Variants in LYPD6 observed in about 807,000 individuals in gnomAD.
The protein encoded by LYPD6 is ly6/PLAUR domain-containing protein 6.
Under a neutral mutation model 22.7 loss-of-function variants are expected in LYPD6, and 15 were observed. That is an observed-to-expected ratio of 0.66 (90% CI 0.44 to 1.02). The LOEUF (loss-of-function observed/expected upper bound fraction) is 1.02. Ranked by LOEUF, LYPD6 falls within the 50% of genes least tolerant of loss-of-function variation. LYPD6 has a pLI of 0.00. For missense variants in LYPD6, 189 were observed against 208.4 expected, an observed-to-expected ratio of 0.91 and a Z score of 0.57; for synonymous variants, 72 against 77.5, an observed-to-expected ratio of 0.93 and a Z score of 0.37.
At chr2:149,360,431 C>T (rs565881178) in intron 1 of LYPD6, among the ~76,000 whole-genome samples, 1 of 152,324 alleles carries the variant, frequency 6.6e-6, no homozygotes, top group East Asian at 1.9e-4. Flanking sequence ...GCCTCTGACA[C>T]CTCAGTGGCA....
intron 1 of LYPD6, among the ~76,000 whole-genome samples, chr2:149,422,795 A>G (rs1683108935): frequency 6.6e-6 from 1 of 151,708 alleles, no homozygotes; most frequent in South Asian, 2.1e-4. Flanking sequence ...GCATCATTCT[A>G]CTCTTCCTCT....
chr2:149,477,578 G>T (rs1390846807), downstream of LYPD6, among the ~76,000 whole-genome samples: 3 of 129,436 alleles, frequency 2.3e-5, no homozygotes, highest in Non-Finnish European at 3.1e-5. Flanking sequence ...AGCCGAGATT[G>T]TGCCACTGCA....
At position 149,381,644 on chromosome 2, in the gene LYPD6, G is replaced by A. The variant is rs555517603; in HGVS notation, c.-72+50922G>A. Reference sequence around the variant, plus strand: ...TTGTCATCAAAGAGAGTGAGAGCACGAGTGGACTAATGTCTAATACTGCAG... The same window carrying A: ...TTGTCATCAAAGAGAGTGAGAGCACAAGTGGACTAATGTCTAATACTGCAG... On this transcript the variant is annotated intron_variant, in intron 1 of 4. Coordinates refer to ENST00000334166, the MANE Select transcript of LYPD6 (RefSeq NM_194317.5). Among the ~76,000 whole-genome samples the A allele has an allele frequency of 9.2e-5, 14 of 152,310 alleles. No homozygotes were observed. The South Asian group carries it at 2.1e-3, about 23-fold the overall frequency.
chr2:149,350,631 C>T (rs1018888803), intron 1 of LYPD6, among the ~76,000 whole-genome samples: 1 of 152,258 alleles, frequency 6.6e-6, no homozygotes, highest in Non-Finnish European at 1.5e-5. Flanking sequence ...TATGTACTTT[C>T]CAATACGTGG....
At chr2:149,458,653 G>GC (rs1392707631) in intron 3 of LYPD6, among the ~76,000 whole-genome samples, 1 of 151,994 alleles carries the variant, frequency 6.6e-6, no homozygotes, top group African/African-American at 2.4e-5. Context: ...GGATTTTAAA[G>GC]CAGCCATAAT....
chr2:149,466,813 A>C (rs1681210583), intron 3 of LYPD6, among the ~76,000 whole-genome samples: 1 of 151,408 alleles, frequency 6.6e-6, no homozygotes, highest in South Asian at 2.1e-4. Flanking sequence ...CATTTGGAGC[A>C]GTAAAACCTC....
intron 3 of LYPD6, among the ~76,000 whole-genome samples, chr2:149,454,867 T>G (rs867513235): frequency 6.6e-6 from 1 of 152,176 alleles, no homozygotes; most frequent in Non-Finnish European, 1.5e-5. Flanking sequence ...TCTCTGAACC[T>G]CATTTCTCCT....
intron 1 of LYPD6, among the ~76,000 whole-genome samples, chr2:149,427,910 A>G (rs1007349654): frequency 4.6e-5 from 7 of 152,260 alleles, no homozygotes; most frequent in African/African-American, 1.4e-4. Flanking sequence ...TTTTGATGCA[A>G]TTGAACTTTA....
intron 1 of LYPD6, among the ~76,000 whole-genome samples, chr2:149,415,120 A>G (rs1040032608): frequency 2.2e-4 from 34 of 152,194 alleles, no homozygotes; most frequent in African/African-American, 8.0e-4. Context: ...TCACTGTCCA[A>G]TGGGAAAGAG....
intron 1 of LYPD6, among the ~76,000 whole-genome samples, chr2:149,385,479 A>G (rs796194318): frequency 3.9e-5 from 6 of 152,330 alleles, no homozygotes; most frequent in African/African-American, 1.4e-4. Flanking sequence ...AATGTCAGTC[A>G]TGTCTGTATA....
chr2:149,357,030 C>G (rs1681462100), intron 1 of LYPD6, among the ~76,000 whole-genome samples: 1 of 152,128 alleles, frequency 6.6e-6, no homozygotes, highest in Admixed American at 6.5e-5. Flanking sequence ...TAAATAGGAG[C>G]CATTCTGTGT....
At chr2:149,348,084 AAGAG>A in intron 1 of LYPD6, among the ~76,000 whole-genome samples, 1 of 149,246 alleles carries the variant, frequency 6.7e-6, no homozygotes, top group East Asian at 1.9e-4. Flanking sequence ...AAAAAAAAAA[AAGAG>A]TGGAAGACAC....
intron 1 of LYPD6, among the ~76,000 whole-genome samples, chr2:149,398,719 G>A (rs1399175571): frequency 2.0e-5 from 3 of 152,012 alleles, no homozygotes; most frequent in Non-Finnish European, 4.4e-5. Context: ...AGGGTGAATA[G>A]AACAATGAGA....
intron 1 of LYPD6, among the ~76,000 whole-genome samples, chr2:149,358,389 C>A (rs996895850): frequency 1.3e-5 from 2 of 152,138 alleles, no homozygotes; most frequent in Admixed American, 6.5e-5. Flanking sequence ...AATGGGGACA[C>A]AAAGATAGGG....
chr2:149,425,879 C>G (rs1193413344), intron 1 of LYPD6, among the ~76,000 whole-genome samples: 1 of 152,192 alleles, frequency 6.6e-6, no homozygotes. Context: ...TTTAGCCAAT[C>G]TTATACCCTT....
chr2:149,442,975 T>G (rs1355192223), intron 2 of LYPD6, among the ~76,000 whole-genome samples: 1 of 152,140 alleles, frequency 6.6e-6, no homozygotes, highest in East Asian at 1.9e-4. Context: ...ATGAGATAAT[T>G]TGGTTGTCAA....
At chr2:149,475,520 A>G (rs968535964), downstream of LYPD6, among the ~76,000 whole-genome samples, 1 of 152,188 alleles carries the variant, frequency 6.6e-6, no homozygotes, top group Non-Finnish European at 1.5e-5. Flanking sequence ...TGAAGCCTTC[A>G]CTTTCAGCAG....
At chr2:149,380,646 G>C (rs1241631019) in intron 1 of LYPD6, among the ~76,000 whole-genome samples, 1 of 152,136 alleles carries the variant, frequency 6.6e-6, no homozygotes, top group Non-Finnish European at 1.5e-5. Context: ...AAGGGCATGA[G>C]ACCTCCAGGA....
chr2:149,374,918 G>A lies in LYPD6; in HGVS notation c.-72+44196G>A, dbSNP rs112526571. ...GCTGGGATGACCAGGAAAGAAAGCA[G>A]TGAAGGAAACAACTTCACTCCCACT... On this transcript the variant is annotated intron_variant, in intron 1 of 4. Coordinates refer to ENST00000334166, the MANE Select transcript of LYPD6 (RefSeq NM_194317.5). Among the ~76,000 whole-genome samples, 1,184 of 152,348 alleles carry A rather than the reference G, an allele frequency of 7.8e-3. 12 individuals are homozygous for A. Among genetic ancestry groups the A allele is most frequent in the Non-Finnish European group, 0.012 (843 of 68,036 alleles).
Sources: allele counts gnomAD v4.1 joint callset (sites outside exome capture counted in the v4.1 genomes callset), GRCh38; gene constraint gnomAD v4.1.1; transcripts MANE v1.5; gene names NCBI Gene and HGNC (gene_info 2026-07-23, HGNC 2026-07-21).